The following CERS3 variants were observed in gnomAD, a reference collection of about 807,000 sequenced individuals.
CERS3 encodes ceramide synthase 3, also known as LAG1 homolog, ceramide synthase 3.
Under a neutral mutation model 50.3 loss-of-function variants are expected in CERS3, and 33 were observed. That is an observed-to-expected ratio of 0.66 (90% CI 0.50 to 0.88). The LOEUF (loss-of-function observed/expected upper bound fraction) is 0.88. Ranked by LOEUF, CERS3 falls within the 40% of genes least tolerant of loss-of-function variation. The pLI is 0.00. For synonymous variants in CERS3, 176 were observed against 155.2 expected (o/e 1.13, Z -0.99); for missense variants, 470 against 460.3 (o/e 1.02, Z -0.19).
chr15:100,439,607 G>C (rs1015564518), intron 11 of CERS3, among the ~76,000 whole-genome samples: 6 of 152,198 alleles, frequency 3.9e-5, no homozygotes, highest in Non-Finnish European at 7.4e-5. Flanking sequence ...ATTAAATAGA[G>C]TTGAAAATGG....
chr15:100,446,471 C>T (rs899369709), intron 11 of CERS3, among the ~76,000 whole-genome samples: 7 of 150,204 alleles, frequency 4.7e-5, no homozygotes, highest in South Asian at 2.1e-4. Context: ...AGGTCAATTA[C>T]GGCAGTTTCC....
intron 11 of CERS3, among the ~76,000 whole-genome samples, chr15:100,410,225 AGAAT>A (rs908636404): frequency 5.9e-5 from 9 of 152,324 alleles, no homozygotes; most frequent in Admixed American, 5.9e-4. Flanking sequence ...GACAGTGAAA[AGAAT>A]GAGAGACAAG....
intron 9 of CERS3, among the ~76,000 whole-genome samples, chr15:100,472,328 CA>C (rs1346856263): frequency 6.6e-6 from 1 of 152,110 alleles, no homozygotes; most frequent in Non-Finnish European, 1.5e-5. Flanking sequence ...GTCCGGAAAA[CA>C]ATCCCAACGT....
chr15:100,443,275 C>T (rs1393460002), intron 11 of CERS3, among the ~76,000 whole-genome samples: 1 of 147,974 alleles, frequency 6.8e-6, no homozygotes, highest in African/African-American at 2.6e-5. Context: ...CCGCTCAACG[C>T]CAATATCCCA....
intron 1 of CERS3, among the ~76,000 whole-genome samples, chr15:100,523,053 T>A (rs886607990): frequency 6.6e-6 from 1 of 152,230 alleles, no homozygotes; most frequent in African/African-American, 2.4e-5. Context: ...TCATTGCAGT[T>A]TTAATCTGCA....
chr15:100,430,224 A>C (rs1219423725), intron 11 of CERS3, among the ~76,000 whole-genome samples: 2 of 152,086 alleles, frequency 1.3e-5, no homozygotes, highest in East Asian at 3.9e-4. Flanking sequence ...AGGCAGGAGA[A>C]TGGCGTGAAC....
At chr15:100,438,868 T>C (rs1456864939) in intron 11 of CERS3, among the ~76,000 whole-genome samples, 3 of 152,260 alleles carry the variant, frequency 2.0e-5, no homozygotes, top group Admixed American at 2.0e-4. Context: ...TCCAGGATGA[T>C]ATTTAGAAAG....
At chr15:100,494,358 C>A (rs2035749214) in intron 3 of CERS3, among the ~76,000 whole-genome samples, 1 of 151,026 alleles carries the variant, frequency 6.6e-6, no homozygotes, top group South Asian at 2.1e-4. Context: ...TGCCATTCTC[C>A]TGCCTCAGCC....
intron 11 of CERS3, 147 bp from the exon 12 acceptor site, chr15:100,403,012 A>G (rs2030678025): frequency 2.6e-6 from 2 of 779,326 alleles, no homozygotes; most frequent in Non-Finnish European, 4.0e-6. Context: ...TGACTATATC[A>G]TGGATCATAA....
At chr15:100,536,389 A>T (rs753222075) in intron 1 of CERS3, among the ~76,000 whole-genome samples, 2 of 152,092 alleles carry the variant, frequency 1.3e-5, no homozygotes, top group Non-Finnish European at 2.9e-5. Flanking sequence ...GGCTCAAGGG[A>T]TCCTCCTACT....
At chr15:100,504,524 T>C (rs570835398) in intron 2 of CERS3, among the ~76,000 whole-genome samples, 1 of 152,316 alleles carries the variant, frequency 6.6e-6, no homozygotes, top group East Asian at 1.9e-4. Context: ...ATGACAGGCA[T>C]AAGCACTGCG....
At chr15:100,500,238 G>A (rs2035956811) in intron 3 of CERS3, 1 of 152,194 alleles carries the variant, frequency 6.6e-6, no homozygotes, top group African/African-American at 2.4e-5. Flanking sequence ...AATGGAAAAG[G>A]CTGAGAGTGA....
Position 100,490,951 on chromosome 15 carries a change from A to G in CERS3, c.174-20T>C. ...ACAAATCTACAAAAATATGAAAAGA[A>G]AAAAAGTTCAAAATCTAAGAATAAA... On this transcript the variant is annotated intron_variant, in intron 3 of 11. Coordinates refer to ENST00000679737, the MANE Select transcript of CERS3 (RefSeq NM_001378789.1). 7.2e-7 allele frequency: 1 copy of G among 1,397,044 alleles called. No homozygotes were observed. The allele number at this position is 1,397,044 out of a possible 1,614,324, so 86.5% of individuals were successfully genotyped here. A position where few individuals can be genotyped will look rare whatever the true frequency, so the allele number is the denominator to read the frequency against.
At chr15:100,471,523 A>G (rs187057126) in intron 9 of CERS3, among the ~76,000 whole-genome samples, 31 of 152,300 alleles carry the variant, frequency 2.0e-4, no homozygotes, top group Admixed American at 1.5e-3. Flanking sequence ...GCAATTGAAT[A>G]TGAGGGTTTA....
intron 11 of CERS3, among the ~76,000 whole-genome samples, chr15:100,450,416 C>CAAAAAAAAAA (rs34873483): frequency 9.5e-5 from 6 of 63,462 alleles, no homozygotes; most frequent in South Asian, 7.7e-4. Flanking sequence ...GACTCTGTCT[C>CAAAAAAAAAA]AAAAAAAAAA....
intron 3 of CERS3, among the ~76,000 whole-genome samples, chr15:100,493,595 G>A (rs1414641576): frequency 1.3e-5 from 2 of 152,046 alleles, no homozygotes; most frequent in African/African-American, 4.8e-5. Flanking sequence ...GAAATTTTCG[G>A]CCATTTATTT....
At chr15:100,517,638 C>T (rs181400905) in intron 2 of CERS3, among the ~76,000 whole-genome samples, 2 of 152,324 alleles carry the variant, frequency 1.3e-5, no homozygotes, top group African/African-American at 4.8e-5. Flanking sequence ...CTAAGGTACA[C>T]TGATGAAGCA....
chr15:100,486,378 G>C (rs1341243993), intron 4 of CERS3, among the ~76,000 whole-genome samples: 1 of 152,186 alleles, frequency 6.6e-6, no homozygotes, highest in African/African-American at 2.4e-5. Flanking sequence ...GTAGGCGTAA[G>C]CACCGCACTT....
intron 11 of CERS3, among the ~76,000 whole-genome samples, chr15:100,431,885 A>G (rs2033154426): frequency 6.6e-6 from 1 of 152,216 alleles, no homozygotes; most frequent in Admixed American, 6.5e-5. Flanking sequence ...AGCAGTAACA[A>G]GTTGATCTGA....
Sources: gnomAD v4.1 joint callset for allele counts (sites outside exome capture counted in the v4.1 genomes callset) on GRCh38, gnomAD v4.1.1 for gene constraint, MANE v1.5 for transcripts, NCBI Gene and HGNC (gene_info 2026-07-23, HGNC 2026-07-21) for gene names.